The following LAMC1 variants were observed in gnomAD, a reference collection of about 807,000 sequenced individuals.
LAMC1 encodes laminin subunit gamma 1.
A neutral mutation model predicts 173.6 loss-of-function variants in LAMC1; 38 were observed. The observed-to-expected ratio is 0.22, with a 90% CI of 0.17 to 0.29. The LOEUF (loss-of-function observed/expected upper bound fraction) is 0.29, where lower values mean the gene tolerates loss of function less well. Ranked by LOEUF, LAMC1 falls within the 10% of genes least tolerant of loss-of-function variation. The pLI is 1.00. For missense variants in LAMC1, 1,824 were observed against 2,051.8 expected (o/e 0.89, Z 2.14); for synonymous variants, 746 against 749.1 (o/e 1.00, Z 0.07).
intron 1 of LAMC1, among the ~76,000 whole-genome samples, chr1:183,101,494 A>G (rs979123183): frequency 3.3e-5 from 5 of 151,530 alleles, no homozygotes; most frequent in African/African-American, 1.2e-4. Context: ...TAACTGTACC[A>G]GGAACAGTCA....
chr1:183,083,499 C>T (rs1012103308), intron 1 of LAMC1, among the ~76,000 whole-genome samples: 3 of 152,184 alleles, frequency 2.0e-5, no homozygotes, highest in Non-Finnish European at 2.9e-5. Flanking sequence ...AAATGTAGGT[C>T]ATTCTCACAC....
chr1:183,047,067 G>C (rs1198131041), intron 1 of LAMC1, among the ~76,000 whole-genome samples: 1 of 152,036 alleles, frequency 6.6e-6, no homozygotes, highest in African/African-American at 2.4e-5. Flanking sequence ...TTTGGGTACA[G>C]GTTTCAGTTA....
At chr1:183,125,595 G>A in intron 15 of LAMC1, 45 bp downstream of exon 15, 1 of 1,429,426 alleles carries the variant, frequency 7.0e-7, no homozygotes, top group South Asian at 1.4e-5. Context: ...TGCTTTTTCT[G>A]TTATAAAAAA....
intron 1 of LAMC1, among the ~76,000 whole-genome samples, chr1:183,072,500 G>A (rs1336959305): frequency 1.3e-5 from 2 of 152,228 alleles, no homozygotes; most frequent in African/African-American, 4.8e-5. Flanking sequence ...CTCAATTGAA[G>A]CTGGGAAATG....
intron 23 of LAMC1, 84 bp from the exon 24 acceptor site, chr1:183,134,958 G>A (rs1656896621): frequency 5.2e-6 from 7 of 1,353,194 alleles, no homozygotes; most frequent in African/African-American, 1.4e-5. Flanking sequence ...TCTCAGGGTG[G>A]CACCTCTGGA....
rs1291496594 is a variant in LAMC1, at chr1:183,124,692, T to C, written c.2463T>C (p.Pro821=). The change falls in exon 14 of 28, where the codon CCT becomes CCC. Residue 821 remains proline, a synonymous_variant. Coordinates refer to ENST00000258341, the MANE Select transcript of LAMC1 (RefSeq NM_002293.4). Reference sequence around the variant, plus strand: ...GAGACCCCCTGGGTAGAAACGGCCCTGTGAGACTTTGCCGCCTGTGCCAGT... The same window carrying C: ...GAGACCCCCTGGGTAGAAACGGCCCCGTGAGACTTTGCCGCCTGTGCCAGT... ...YFGDPLGRNG[P]VRLCRLCQCS... is the part of the protein sequence containing the mutation. 1 of 1,614,242 alleles carries C rather than the reference T, an allele frequency of 6.2e-7. No homozygotes were observed. The highest frequency in any genetic ancestry group is 1.1e-5 in the South Asian group (1 of 91,086).
chr1:183,078,040 T>C (rs1655165785), intron 1 of LAMC1, among the ~76,000 whole-genome samples: 1 of 152,110 alleles, frequency 6.6e-6, no homozygotes, highest in Non-Finnish European at 1.5e-5. Context: ...GTTTGCATTT[T>C]AGTGTACTTA....
rs960893351 is a variant in LAMC1, at chr1:183,127,887, A to G, written c.3123+483A>G. Among the ~76,000 whole-genome samples the G allele has an allele frequency of 3.9e-5, 6 of 152,314 alleles. No homozygotes were observed. In the South Asian group the frequency reaches 1.2e-3, roughly 32 times the overall value. Reference sequence around the variant, plus strand: ...AGTAAGAAGTTTAGATTTTATCCCAAATCCAATAAGAATGCATTGAAGAAA... The same window carrying G: ...AGTAAGAAGTTTAGATTTTATCCCAGATCCAATAAGAATGCATTGAAGAAA... On this transcript the variant is annotated intron_variant, in intron 17 of 27. Transcript: ENST00000258341.
intron 1 of LAMC1, among the ~76,000 whole-genome samples, chr1:183,029,872 G>A (rs1249273098): frequency 6.6e-6 from 1 of 152,164 alleles, no homozygotes; most frequent in African/African-American, 2.4e-5. Context: ...GCAAATTCCT[G>A]GATGTGTAGT....
At position 183,136,970 on chromosome 1, in the gene LAMC1, T is replaced by C. The variant is rs528917253; in HGVS notation, c.4314+385T>C. 1.3e-4 allele frequency among the ~76,000 whole-genome samples: 20 copies of C among 152,298 alleles called. No homozygotes were observed. In the East Asian group the frequency reaches 3.9e-3, roughly 29 times the overall value. ...ATCAATATAACTTTCAAGTCCCCCTTTCAAGTATATTGCCATATGTAAGCC... is the reference window on the plus strand; with the variant it reads ...ATCAATATAACTTTCAAGTCCCCCTCTCAAGTATATTGCCATATGTAAGCC... On this transcript the variant is annotated intron_variant, in intron 25 of 27. Transcript: ENST00000258341.
At chr1:183,116,507 C>T in intron 6 of LAMC1, 70 bp from the exon 7 acceptor site, 1 of 1,074,798 alleles carries the variant, frequency 9.3e-7, no homozygotes, top group Non-Finnish European at 1.4e-6. Flanking sequence ...ACATGTAAAA[C>T]AAAGGGCTGA....
intron 1 of LAMC1, among the ~76,000 whole-genome samples, chr1:183,081,954 C>G (rs1331782424): frequency 6.6e-6 from 1 of 152,198 alleles, no homozygotes; most frequent in African/African-American, 2.4e-5. Flanking sequence ...TTTACTGTCT[C>G]CTTTCCCAGA....
At chr1:183,115,811 G>GT (rs765352852) in intron 6 of LAMC1, among the ~76,000 whole-genome samples, 174 bp downstream of exon 6, 36 of 152,192 alleles carry the variant, frequency 2.4e-4, no homozygotes, top group Admixed American at 8.5e-4. Context: ...TGTACAGAGA[G>GT]TAAGCAGAGT....
rs1228572656 is a variant in LAMC1 at position 183,118,100 on chromosome 1, A to G, written c.1944A>G (p.Leu648=). 1 of 1,613,098 alleles carries G rather than the reference A, an allele frequency of 6.2e-7. No individual in the cohort carries two copies. The highest frequency in any genetic ancestry group is 1.3e-5 in the African/African-American group (1 of 75,002). ...ALTPFEFQKL[L]NNLTSIKIRG... is the part of the protein sequence containing the mutation. ...CCCCTTTTGAATTTCAGAAGCTCCT[A>G]AACAACTTGACCTCTATCAAGATAC... The change falls in exon 11 of 28, where the codon CTA becomes CTG. Residue 648 remains leucine (L), a synonymous_variant. Transcript: ENST00000258341.
intron 1 of LAMC1, among the ~76,000 whole-genome samples, chr1:183,036,223 C>G (rs1366239939): frequency 1.3e-5 from 2 of 151,566 alleles, no homozygotes; most frequent in Non-Finnish European, 1.5e-5. Flanking sequence ...CTCAGCCTCC[C>G]GAGTAGCTGG....
chr1:183,081,177 C>G (rs142953873), intron 1 of LAMC1, among the ~76,000 whole-genome samples: 2 of 152,270 alleles, frequency 1.3e-5, no homozygotes, highest in African/African-American at 4.8e-5. Context: ...CGTCAGCCAC[C>G]GCGCCCGGCC....
chr1:183,059,297 G>T (rs1162138169), intron 1 of LAMC1, among the ~76,000 whole-genome samples: 3 of 152,210 alleles, frequency 2.0e-5, no homozygotes, highest in Non-Finnish European at 4.4e-5. Context: ...TGATGGATGG[G>T]TTATTAATAC....
intron 1 of LAMC1, among the ~76,000 whole-genome samples, chr1:183,054,797 T>C (rs973125305): frequency 6.6e-6 from 1 of 152,166 alleles, no homozygotes; most frequent in Non-Finnish European, 1.5e-5. Context: ...TGATTATTCA[T>C]AGACTTCTAG....
chr1:183,131,863 C>G (rs898671495), intron 20 of LAMC1, among the ~76,000 whole-genome samples: 3 of 151,992 alleles, frequency 2.0e-5, no homozygotes, highest in African/African-American at 4.8e-5. Context: ...AAATGTATAC[C>G]AATAATTTTT....
Sources: gnomAD v4.1 joint callset for allele counts (sites outside exome capture counted in the v4.1 genomes callset) on GRCh38, gnomAD v4.1.1 for gene constraint, MANE v1.5 for transcripts, NCBI Gene and HGNC (gene_info 2026-07-23, HGNC 2026-07-21) for gene names.